The following AGBL4 variants were observed in gnomAD, a reference collection of about 807,000 sequenced individuals.
AGBL4 encodes the protein cytosolic carboxypeptidase 6.
In AGBL4, 58 loss-of-function variants were observed where a neutral mutation model predicts 66.4. The observed-to-expected ratio is 0.87, with a 90% CI of 0.71 to 1.09. The LOEUF (loss-of-function observed/expected upper bound fraction) is 1.09, where lower values mean the gene tolerates loss of function less well. Among genes scored for constraint, AGBL4 ranks in the 50% least tolerant of loss-of-function variants. AGBL4 has a pLI of 0.00. For missense variants in AGBL4, 579 were observed against 631.0 expected (o/e 0.92, Z 0.88); for synonymous variants, 234 against 222.9 (o/e 1.05, Z -0.44).
intron 5 of AGBL4, among the ~76,000 whole-genome samples, chr1:48,901,736 TG>T (rs1652099495): frequency 6.6e-6 from 1 of 152,056 alleles, no homozygotes; most frequent in Admixed American, 6.5e-5. Context: ...TGTGGTTATG[TG>T]GGGATGAGTG....
intron 5 of AGBL4, among the ~76,000 whole-genome samples, chr1:48,890,371 C>T (rs1469045124): frequency 1.3e-5 from 2 of 152,140 alleles, no homozygotes; most frequent in Non-Finnish European, 2.9e-5. Flanking sequence ...CCTACCTTTG[C>T]AGGATTGTGG....
intron 4 of AGBL4, among the ~76,000 whole-genome samples, chr1:49,050,491 TG>T (rs546882109): frequency 1.3e-5 from 2 of 152,100 alleles, no homozygotes; most frequent in Non-Finnish European, 2.9e-5. Flanking sequence ...AATGGATAAA[TG>T]TTTGTGAATA....
intron 6 of AGBL4, among the ~76,000 whole-genome samples, chr1:48,828,567 T>A (rs1646482259): frequency 6.6e-6 from 1 of 152,198 alleles, no homozygotes; most frequent in African/African-American, 2.4e-5. Flanking sequence ...TTGGAGTGAT[T>A]TTTTTTCTTG....
At chr1:49,353,087 A>T (rs1263019626) in intron 3 of AGBL4, among the ~76,000 whole-genome samples, 1 of 152,206 alleles carries the variant, frequency 6.6e-6, no homozygotes, top group Non-Finnish European at 1.5e-5. Flanking sequence ...AATTTTCAAG[A>T]CACAAAATAA....
At chr1:48,774,347 A>C (rs1277990876) in intron 6 of AGBL4, among the ~76,000 whole-genome samples, 1 of 152,180 alleles carries the variant, frequency 6.6e-6, no homozygotes, top group African/African-American at 2.4e-5. Context: ...GAAGATACAT[A>C]GGAGTTATTC....
chr1:49,766,784 A>G (rs562257408), intron 2 of AGBL4, among the ~76,000 whole-genome samples: 2 of 152,254 alleles, frequency 1.3e-5, no homozygotes, highest in South Asian at 4.1e-4. Context: ...GGTCAGGTCA[A>G]TGTTCTTATA....
chr1:49,954,784 C>T (rs1199911556), intron 1 of AGBL4, among the ~76,000 whole-genome samples: 1 of 151,864 alleles, frequency 6.6e-6, no homozygotes, highest in African/African-American at 2.4e-5. Context: ...CTATCCATCT[C>T]AAACTATGAG....
chr1:48,758,115 A>G (rs1199466153), intron 6 of AGBL4, among the ~76,000 whole-genome samples: 6 of 152,224 alleles, frequency 3.9e-5, no homozygotes, highest in Non-Finnish European at 8.8e-5. Flanking sequence ...ATAGGGTGCA[A>G]TATAAGAACC....
Position 49,518,814 on chromosome 1 carries a change from T to A in AGBL4, c.282+178499A>T, listed in dbSNP as rs185718684. ...TACTTAAATGCAATTGTATTACTTT[T>A]TAATATTTGTCGTAACTAAAAGCAG... On this transcript the variant is annotated intron_variant, in intron 3 of 13. Transcript: ENST00000371839. Among the ~76,000 whole-genome samples the A allele has an allele frequency of 5.3e-5, 8 of 152,220 alleles. No individual in the cohort carries two copies. The East Asian group carries it at 9.7e-4, about 18-fold the overall frequency.
chr1:48,894,797 A>C (rs1263136684), intron 5 of AGBL4, among the ~76,000 whole-genome samples: 1 of 152,212 alleles, frequency 6.6e-6, no homozygotes, highest in African/African-American at 2.4e-5. Flanking sequence ...ACAATGAACA[A>C]AGGATGAATT....
chr1:48,808,965 G>A (rs575943834), intron 6 of AGBL4, among the ~76,000 whole-genome samples: 3 of 152,328 alleles, frequency 2.0e-5, no homozygotes, highest in East Asian at 1.9e-4. Flanking sequence ...ATTCCAGAAT[G>A]AGAAACAGAG....
chr1:49,229,902 T>C (rs1650177617), intron 4 of AGBL4, among the ~76,000 whole-genome samples: 1 of 142,834 alleles, frequency 7.0e-6, no homozygotes, highest in African/African-American at 2.5e-5. Flanking sequence ...GCAGCTGTCA[T>C]GCTGCAATGG....
chr1:49,322,688 G>T (rs187840466), intron 3 of AGBL4, among the ~76,000 whole-genome samples: 1 of 152,330 alleles, frequency 6.6e-6, no homozygotes, highest in East Asian at 1.9e-4. Flanking sequence ...CAGAGGCTGG[G>T]AGAGGCAAGG....
At chr1:49,291,733 T>C (rs977749560) in intron 3 of AGBL4, among the ~76,000 whole-genome samples, 2 of 152,208 alleles carry the variant, frequency 1.3e-5, no homozygotes, top group African/African-American at 4.8e-5. Context: ...ATGGCAGTGG[T>C]GGCCTGTCTG....
At chr1:49,743,006 C>G (rs371314692) in intron 2 of AGBL4, among the ~76,000 whole-genome samples, 1 of 152,150 alleles carries the variant, frequency 6.6e-6, no homozygotes, top group Non-Finnish European at 1.5e-5. Flanking sequence ...GACTTCATGT[C>G]TAAAACACCA....
intron 3 of AGBL4, among the ~76,000 whole-genome samples, chr1:49,593,924 T>A (rs1438341986): frequency 6.6e-6 from 1 of 151,924 alleles, no homozygotes; most frequent in East Asian, 1.9e-4. Context: ...AAAAGGAATA[T>A]ATAAATGCAC....
At chr1:49,443,082 A>C (rs1646071185) in intron 3 of AGBL4, among the ~76,000 whole-genome samples, 1 of 152,126 alleles carries the variant, frequency 6.6e-6, no homozygotes, top group Non-Finnish European at 1.5e-5. Flanking sequence ...TTCTTTTGAG[A>C]GATGTCTATT....
At chr1:49,630,190 G>A (rs989474536) in intron 3 of AGBL4, among the ~76,000 whole-genome samples, 5 of 152,138 alleles carry the variant, frequency 3.3e-5, no homozygotes, top group Non-Finnish European at 7.3e-5. Flanking sequence ...GGTCTGCAAA[G>A]GTGATCAATA....
At chr1:48,747,910 C>T (rs1021552874) in intron 6 of AGBL4, among the ~76,000 whole-genome samples, 3 of 152,148 alleles carry the variant, frequency 2.0e-5, no homozygotes, top group Middle Eastern at 6.8e-3. Flanking sequence ...TAATAATATT[C>T]GATTCTTTTT....
Sources: gnomAD v4.1 joint callset for allele counts (sites outside exome capture counted in the v4.1 genomes callset) on GRCh38, gnomAD v4.1.1 for gene constraint, MANE v1.5 for transcripts, NCBI Gene and HGNC (gene_info 2026-07-23, HGNC 2026-07-21) for gene names.